IYD: variants seen among roughly 807,000 people sequenced by gnomAD.
IYD encodes the protein iodotyrosine deiodinase, also known as iodotyrosine deiodinase 1.
Under a neutral mutation model 28.4 loss-of-function variants are expected in IYD, and 25 were observed. That is an observed-to-expected ratio of 0.88 (90% CI 0.64 to 1.23). The LOEUF is 1.23. IYD is among the 50% of genes most tolerant of loss of function. IYD has a pLI of 0.00. For synonymous variants in IYD, 140 were observed against 130.8 expected, an observed-to-expected ratio of 1.07 and a Z score of -0.48; for missense variants, 352 against 357.9, an observed-to-expected ratio of 0.98 and a Z score of 0.13.
At chr6:150,394,037 GGT>G (rs1778218284) in intron 3 of IYD, 60 bp from the exon 4 acceptor site, 1 of 1,422,580 alleles carries the variant, frequency 7.0e-7, no homozygotes. Context: ...AAGAAGCTAA[GGT>G]AGTAAAAGAG....
At chr6:150,383,112 G>C (rs576494863) in intron 1 of IYD, among the ~76,000 whole-genome samples, 1 of 152,208 alleles carries the variant, frequency 6.6e-6, no homozygotes, top group African/African-American at 2.4e-5. Flanking sequence ...TGCTTACATG[G>C]TGTGACACTA....
chr6:150,398,185 C>A lies in IYD; in HGVS notation c.818C>A (p.Thr273Lys), dbSNP rs141250255. The A allele has an allele frequency of 6.2e-7, 1 of 1,614,172 alleles. No individual in the cohort carries two copies. Among genetic ancestry groups the A allele is most frequent in the Non-Finnish European group, 8.5e-7 (1 of 1,180,028 alleles). The stretch of plus-strand genomic sequence containing the variant: ...GTGGGGTACCCCAGCAAGGAGGCCA[C>A]GGTGCCTGACCTCAAGCGCAAACCT... The part of the protein sequence containing the change: ...LPVGYPSKEA[T>K]VPDLKRKPLD... Residue 273 changes from threonine (T) to lysine (K), a missense_variant, in exon 5 of 5, where the codon ACG becomes AAG. Coordinates refer to ENST00000344419, the MANE Select transcript of IYD (RefSeq NM_203395.3).
intron 1 of IYD, among the ~76,000 whole-genome samples, chr6:150,369,671 A>T (rs1562307016): frequency 1.3e-5 from 2 of 152,218 alleles, no homozygotes; most frequent in South Asian, 4.1e-4. Context: ...CTGAATGTCC[A>T]GTTCAGCTGC....
At chr6:150,395,102 G>A (rs750265812) in intron 4 of IYD, among the ~76,000 whole-genome samples, 3 of 152,224 alleles carry the variant, frequency 2.0e-5, no homozygotes, top group African/African-American at 4.8e-5. Flanking sequence ...GATTACAGGC[G>A]TAAGCCACCA....
chr6:150,370,535 T>G, intron 1 of IYD: 1 of 985,442 alleles, frequency 1.0e-6, no homozygotes, highest in Non-Finnish European at 1.2e-6. Context: ...GACTGCACCG[T>G]ACAGGAGTCT....
rs1015363832 is a variant in IYD at position 150,400,777 on chromosome 6, A to G, written c.*2540A>G. 2.0e-5 allele frequency: 3 copies of G among 152,254 alleles called. No homozygotes were observed. Among genetic ancestry groups the G allele is most frequent in the African/African-American group, 7.2e-5 (3 of 41,466 alleles). 9.4% of individuals were successfully genotyped at this position (152,254 alleles called of 1,614,324 possible). A position where few individuals can be genotyped will look rare whatever the true frequency, so the allele number is the denominator to read the frequency against. ...ATCCAGAATCAAAATCTGCATTTTA[A>G]CAAGATGCCCAGGTGATCTGCATGC... On this transcript the variant is annotated 3_prime_UTR_variant, in exon 5 of 5. Coordinates refer to ENST00000344419, the MANE Select transcript of IYD (RefSeq NM_203395.3).
At chr6:150,395,684 C>A in intron 4 of IYD, 1 of 851,400 alleles carries the variant, frequency 1.2e-6, no homozygotes, top group Non-Finnish European at 1.9e-6. Flanking sequence ...GAAAAATCTC[C>A]ATGAAGCCCG....
chr6:150,384,529 A>C (rs889760515), intron 1 of IYD: 1 of 152,234 alleles, frequency 6.6e-6, no homozygotes, highest in Non-Finnish European at 1.5e-5. Flanking sequence ...GCCCAAGACC[A>C]GCCTAAGACA....
intron 1 of IYD, among the ~76,000 whole-genome samples, chr6:150,373,473 A>G (rs1179171127): frequency 6.6e-6 from 1 of 152,120 alleles, no homozygotes; most frequent in East Asian, 1.9e-4. Context: ...GATCCTACAA[A>G]TGATGTGTGC....
At chr6:150,381,672 T>C (rs1355233574) in intron 1 of IYD, among the ~76,000 whole-genome samples, 2 of 152,210 alleles carry the variant, frequency 1.3e-5, no homozygotes, top group Non-Finnish European at 2.9e-5. Context: ...TGAAAATTAT[T>C]TCTTTGCTTT....
chr6:150,394,091 C>T lies in IYD; in HGVS notation c.531-8C>T, dbSNP rs1434728683. 1.2e-6 allele frequency: 2 copies of T among 1,613,772 alleles called. No homozygotes were observed. Among genetic ancestry groups the T allele is most frequent in the South Asian group, 1.1e-5 (1 of 91,060 alleles). ...AAATATTATCCTGAATCTCTTTTCT[C>T]TTCACAGAACCAACTGGATTAAAGA... On this transcript the variant is annotated splice_region_variant and splice_polypyrimidine_tract_variant and intron_variant, in intron 3 of 4. Transcript: ENST00000344419.
rs542674616 is a variant in IYD, at chr6:150,404,919, G to C, written c.*6682G>C. 1 of 152,140 alleles carries C rather than the reference G, an allele frequency of 6.6e-6. No individual in the cohort carries two copies. Among genetic ancestry groups the C allele is most frequent in the Admixed American group, 6.5e-5 (1 of 15,284 alleles). 9.4% of individuals were successfully genotyped at this position (152,140 alleles called of 1,614,324 possible). ...ATGAAGTTAGTGCCAAAGTCTCAGTGGTTCTCTTGGTCTTTCTTCATAACC... is the reference window on the plus strand; with the variant it reads ...ATGAAGTTAGTGCCAAAGTCTCAGTCGTTCTCTTGGTCTTTCTTCATAACC... On this transcript the variant is annotated 3_prime_UTR_variant, in exon 5 of 5. Transcript: ENST00000344419.
chr6:150,378,204 G>T (rs1477956902), intron 1 of IYD, among the ~76,000 whole-genome samples: 1 of 151,224 alleles, frequency 6.6e-6, no homozygotes, highest in African/African-American at 2.4e-5. Context: ...TATACTTTAA[G>T]TTTTAGGGTA....
At chr6:150,384,432 C>A (rs1305861923) in intron 1 of IYD, 2 of 152,116 alleles carry the variant, frequency 1.3e-5, no homozygotes, top group Non-Finnish European at 2.9e-5. Flanking sequence ...ATTTGATATA[C>A]TGAGGTTTAC....
chr6:150,389,662 T>C lies in IYD; in HGVS notation c.370+119T>C. ...TAAAGCCTAGAGTGATATGTTTATC[T>C]ATAAAGTCTTACCCAAATGCTGAGT... is the stretch of plus-strand genomic sequence containing the variant. On this transcript the variant is annotated intron_variant, in intron 2 of 4. Coordinates refer to ENST00000344419, the MANE Select transcript of IYD (RefSeq NM_203395.3). 3 of 927,994 alleles carry C rather than the reference T, an allele frequency of 3.2e-6. No homozygotes were observed. In the South Asian group the frequency reaches 4.0e-5, roughly 12 times the overall value. 57.5% of individuals were successfully genotyped at this position (927,994 alleles called of 1,614,324 possible).
At chr6:150,383,242 A>C (rs933244772) in intron 1 of IYD, among the ~76,000 whole-genome samples, 2 of 152,178 alleles carry the variant, frequency 1.3e-5, no homozygotes, top group Non-Finnish European at 2.9e-5. Flanking sequence ...CCCCCTTACT[A>C]TGAGACTGTA....
chr6:150,370,023 A>G (rs1231887567), intron 1 of IYD: 1 of 702,052 alleles, frequency 1.4e-6, no homozygotes, highest in Non-Finnish European at 2.6e-6. Context: ...GTAGGAAGGG[A>G]GAGAGCGTGG....
Position 150,389,532 on chromosome 6 carries a change from T to C in IYD, c.359T>C (p.Ile120Thr). The change falls in exon 2 of 5, where the codon ATC becomes ACC. Residue 120 changes from isoleucine (I) to threonine (T), a missense_variant. Ile to Thr is a moderately conservative substitution (Grantham distance 89, BLOSUM62 -1). Transcript: ENST00000344419. ...QVPMEVIDNVIRTAGTAPSGA... is the reference protein window; with the variant it reads ...QVPMEVIDNVTRTAGTAPSGA... ...CCAATGGAAGTCATTGATAATGTCA[T>C]CAGAACGGCAGGTTTGTAATTGCAG... is the stretch of plus-strand genomic sequence containing the variant. 1 of 1,614,020 alleles carries C rather than the reference T, an allele frequency of 6.2e-7. No individual in the cohort carries two copies. The highest frequency in any genetic ancestry group is 8.5e-7 in the Non-Finnish European group (1 of 1,179,910).
At chr6:150,378,042 A>T (rs1777512761) in intron 1 of IYD, among the ~76,000 whole-genome samples, 2 of 152,168 alleles carry the variant, frequency 1.3e-5, no homozygotes, top group African/African-American at 4.8e-5. Context: ...CTATAAGCCA[A>T]AAGTAGCGCC....
Sources: gnomAD v4.1 joint callset for allele counts (sites outside exome capture counted in the v4.1 genomes callset) on GRCh38, gnomAD v4.1.1 for gene constraint, MANE v1.5 for transcripts, NCBI Gene and HGNC (gene_info 2026-07-23, HGNC 2026-07-21) for gene names.